The following NMNAT1 variants were observed in gnomAD, a reference collection of about 807,000 sequenced individuals.
NMNAT1 encodes nicotinamide nucleotide adenylyltransferase 1.
Under a neutral mutation model 16.7 loss-of-function variants are expected in NMNAT1, and 11 were observed. That is an observed-to-expected ratio of 0.66 (90% CI 0.41 to 1.09). NMNAT1 has a LOEUF of 1.09. Ranked by LOEUF, NMNAT1 falls within the 50% of genes least tolerant of loss-of-function variation. The probability of loss-of-function intolerance (pLI) is 0.00; values close to 1 mark genes in which losing one functional copy is unlikely to be tolerated. For missense variants in NMNAT1, 280 were observed against 332.3 expected, an observed-to-expected ratio of 0.84 and a Z score of 1.22; for synonymous variants, 110 against 119.8, an observed-to-expected ratio of 0.92 and a Z score of 0.53.
At chr1:9,950,827 A>G (rs1660732) in intron 1 of NMNAT1, among the ~76,000 whole-genome samples, 146,676 of 152,154 alleles carry the variant, frequency 0.96, 70,926 homozygotes, top group East Asian at 1. Context: ...AGTGGTTCAC[A>G]GCTATAATCC....
At chr1:9,996,259 C>A in the NMNAT1 span, among the ~76,000 whole-genome samples, 2 of 147,826 alleles carry the variant, frequency 1.4e-5, no homozygotes, top group African/African-American at 2.5e-5. Context: ...TGCAGTGAGC[C>A]GAGATCTCTC....
chr1:9,971,942 C>T (rs981573175), intron 1 of NMNAT1, 76 bp from the exon 2 acceptor site: 9 of 654,802 alleles, frequency 1.4e-5, no homozygotes, highest in African/African-American at 1.3e-4. Context: ...TACACTCTAG[C>T]CAGGGTGGCA....
At chr1:9,960,280 A>C (rs942476963) in intron 1 of NMNAT1, among the ~76,000 whole-genome samples, 1 of 151,628 alleles carries the variant, frequency 6.6e-6, no homozygotes, top group Non-Finnish European at 1.5e-5. Flanking sequence ...GCGATACCCT[A>C]TCTCTAAAAA....
chr1:9,962,522 T>C (rs1398409678), intron 1 of NMNAT1, among the ~76,000 whole-genome samples: 3 of 151,376 alleles, frequency 2.0e-5, no homozygotes, highest in South Asian at 4.2e-4. Flanking sequence ...ATTTTAACAC[T>C]GTGCCAGGCA....
intron 1 of NMNAT1, among the ~76,000 whole-genome samples, chr1:9,945,823 G>T (rs1640966643): frequency 6.6e-6 from 1 of 152,102 alleles, no homozygotes; most frequent in Admixed American, 6.6e-5. Flanking sequence ...ACACGAGCAC[G>T]GCTCACTGCA....
At chr1:9,973,017 G>C (rs1430533852) in intron 2 of NMNAT1, among the ~76,000 whole-genome samples, 1 of 152,162 alleles carries the variant, frequency 6.6e-6, no homozygotes, top group African/African-American at 2.4e-5. Context: ...TCTTCTTTAG[G>C]AGTTTCCCAT....
the NMNAT1 span, among the ~76,000 whole-genome samples, chr1:9,994,859 G>A: frequency 8.6e-5 from 13 of 151,826 alleles, no homozygotes; most frequent in Non-Finnish European, 1.6e-4. Flanking sequence ...TGATCTGCCC[G>A]CCTCAGCCTC....
intron 1 of NMNAT1, among the ~76,000 whole-genome samples, chr1:9,953,092 G>A (rs954181253): frequency 8.1e-5 from 12 of 148,002 alleles, no homozygotes; most frequent in African/African-American, 2.5e-4. Context: ...GCAATTCTCC[G>A]GCCTCAGCCT....
the NMNAT1 span, among the ~76,000 whole-genome samples, chr1:9,991,751 G>A: frequency 6.6e-6 from 1 of 152,166 alleles, no homozygotes; most frequent in Non-Finnish European, 1.5e-5. Context: ...TTATAATAAT[G>A]ATAAAGGACG....
At chr1:9,981,391 C>T (rs776245477) in intron 4 of NMNAT1, 15 of 491,582 alleles carry the variant, frequency 3.1e-5, no homozygotes, top group Middle Eastern at 5.2e-4. Flanking sequence ...CCTGCCACCA[C>T]GCCTGTCTAA....
At chr1:9,972,325 A>G in intron 2 of NMNAT1, 137 bp downstream of exon 2, 2 of 617,558 alleles carry the variant, frequency 3.2e-6, no homozygotes, top group South Asian at 1.9e-5. Context: ...CCTAGCCAAC[A>G]TGGTAAAACC....
chr1:9,948,736 G>T (rs1273960396), intron 1 of NMNAT1, among the ~76,000 whole-genome samples: 2 of 150,490 alleles, frequency 1.3e-5, no homozygotes, highest in African/African-American at 4.9e-5. Context: ...TGCAACCTCC[G>T]CCTCCTGGGT....
intron 1 of NMNAT1, among the ~76,000 whole-genome samples, chr1:9,968,099 T>A (rs1641600054): frequency 6.7e-6 from 1 of 149,418 alleles, no homozygotes; most frequent in Admixed American, 6.7e-5. Context: ...TGAGATGGAG[T>A]CTCGCTCTGT....
chr1:9,976,486 G>A (rs1375346006), intron 3 of NMNAT1, among the ~76,000 whole-genome samples: 1 of 150,776 alleles, frequency 6.6e-6, no homozygotes, highest in Non-Finnish European at 1.5e-5. Context: ...AGTGCTGCTT[G>A]ATCATGGACA....
chr1:9,982,893 G>A lies in NMNAT1; in HGVS notation c.*192G>A, dbSNP rs1260767711. Reference sequence around the variant, plus strand: ...GAGGCTGAGGCAGGTGGATCACGGGGTCAAGAGATCGAGACCATCCTGGCC... The same window carrying A: ...GAGGCTGAGGCAGGTGGATCACGGGATCAAGAGATCGAGACCATCCTGGCC... On this transcript the variant is annotated 3_prime_UTR_variant, in exon 5 of 5. Transcript: ENST00000377205. The A allele has an allele frequency of 1.9e-6, 1 of 520,166 alleles. No individual in the cohort carries two copies. The highest frequency in any genetic ancestry group is 3.4e-6 in the Non-Finnish European group (1 of 294,886). The allele number at this position is 520,166 out of a possible 1,614,324, so 32.2% of individuals were successfully genotyped here.
rs1641970469 is a variant in NMNAT1, at chr1:9,982,489, A to G, written c.628A>G (p.Ile210Val). ...TGTGCTGTGGAAACACCGGAGCAAC[A>G]TTCACGTGGTGAATGAATGGATCGC... ...SDVLWKHRSN[I>V]HVVNEWIAND... Residue 210 changes from isoleucine to valine, a missense_variant, in exon 5 of 5, where the codon ATT (isoleucine) becomes GTT (valine). Coordinates refer to ENST00000377205, the MANE Select transcript of NMNAT1 (RefSeq NM_022787.4). 3.7e-6 allele frequency: 6 copies of G among 1,614,188 alleles called. No homozygotes were observed. In the East Asian group the frequency reaches 1.1e-4, roughly 30 times the overall value.
intron 1 of NMNAT1, among the ~76,000 whole-genome samples, chr1:9,970,739 T>A (rs1247168414): frequency 6.6e-6 from 1 of 151,916 alleles, no homozygotes; most frequent in Non-Finnish European, 1.5e-5. Context: ...GGATGCCTTA[T>A]GTTACTTCAT....
At chr1:9,974,912 T>C (rs1039341248) in intron 2 of NMNAT1, among the ~76,000 whole-genome samples, 31 of 152,254 alleles carry the variant, frequency 2.0e-4, no homozygotes, top group Non-Finnish European at 3.5e-4. Context: ...GCCTATGACA[T>C]TGAGAAATGG....
At chr1:9,978,030 C>T (rs1349314287) in intron 3 of NMNAT1, among the ~76,000 whole-genome samples, 1 of 152,026 alleles carries the variant, frequency 6.6e-6, no homozygotes, top group Non-Finnish European at 1.5e-5. Flanking sequence ...ACCACACCCA[C>T]ACTAGAAAGG....
Sources: allele counts gnomAD v4.1 joint callset (sites outside exome capture counted in the v4.1 genomes callset), GRCh38; gene constraint gnomAD v4.1.1; transcripts MANE v1.5; gene names NCBI Gene and HGNC (gene_info 2026-07-23, HGNC 2026-07-21).